Variants in MYO9A observed in about 807,000 individuals in gnomAD.
MYO9A encodes unconventional myosin-IXa.
MYO9A carries 103 observed loss-of-function variants against 293.3 expected under a neutral mutation model. That is an observed-to-expected ratio of 0.35 (90% confidence interval 0.30 to 0.41). The LOEUF (loss-of-function observed/expected upper bound fraction) is 0.41, where lower values mean the gene tolerates loss of function less well. MYO9A is among the 10% of genes least tolerant of loss of function. MYO9A has a pLI of 1.00. For missense variants in MYO9A, 2,685 were observed against 3,033.0 expected, an observed-to-expected ratio of 0.89 and a Z score of 2.69; for synonymous variants, 1,001 against 1,035.7, an observed-to-expected ratio of 0.97 and a Z score of 0.64.
At chr15:71,829,950 G>A (rs568575165) in intron 40 of MYO9A, among the ~76,000 whole-genome samples, 159 bp downstream of exon 40, 7 of 152,284 alleles carry the variant, frequency 4.6e-5, no homozygotes, top group Non-Finnish European at 8.8e-5. Context: ...TGTTACCTGA[G>A]TATAGACAAC....
intron 1 of MYO9A, among the ~76,000 whole-genome samples, chr15:72,101,927 G>A (rs1433881785): frequency 6.6e-6 from 1 of 152,066 alleles, no homozygotes; most frequent in Admixed American, 6.5e-5. Context: ...GCCTCTGCCC[G>A]GCCGCCCCTA....
In MYO9A at chr15:71,971,603, G is replaced by GA. The variant is rs10709554; in HGVS notation, c.1845-3479dup. 7.0e-4 allele frequency among the ~76,000 whole-genome samples: 99 copies of GA among 141,618 alleles called. 3 individuals carry two copies. The highest frequency in any genetic ancestry group is 6.7e-4 in the South Asian group (3 of 4,504). 92.9% of individuals were successfully genotyped at this position (141,618 alleles called of 152,430 possible). Reference sequence around the variant, plus strand: ...TGTCTCAAAAAAAAAGAAAAAAAAAGAAAAAAAAAAAACAAAGTAATTCTA... The same window carrying GA: ...TGTCTCAAAAAAAAAGAAAAAAAAAGAAAAAAAAAAAAACAAAGTAATTCTA... On this transcript the variant is annotated intron_variant, in intron 12 of 41. Coordinates refer to ENST00000356056, the MANE Select transcript of MYO9A (RefSeq NM_006901.4).
Position 71,968,066 on chromosome 15 carries a change from T to C in MYO9A, c.1904A>G (p.Asn635Ser). 1 of 1,612,766 alleles carries C rather than the reference T, an allele frequency of 6.2e-7. No individual in the cohort carries two copies. Among genetic ancestry groups the C allele is most frequent in the South Asian group, 1.1e-5 (1 of 90,922 alleles). Residue 635 changes from asparagine (N) to serine (S), a missense_variant, in exon 13 of 42, where the codon AAT becomes AGT. By Grantham distance (46) the Asn-to-Ser change is conservative. Transcript: ENST00000356056. ...CACGGCTGGAAATTCGATGTAAGAA[T>C]TATCTTCATGTTGATGCTTAAACTT... is the stretch of plus-strand genomic sequence containing the variant. ...LDKFKHQHEDNSYIEFPAVME... is the reference protein window; with the variant it reads ...LDKFKHQHEDSSYIEFPAVME...
intron 19 of MYO9A, among the ~76,000 whole-genome samples, chr15:71,909,968 C>T (rs12913042): frequency 0.2 from 30,272 of 150,798 alleles, 3,288 homozygotes; most frequent in East Asian, 0.41. Flanking sequence ...TATGAGACTC[C>T]GTCTCAAAAT....
chr15:72,101,488 C>A (rs1430589415), intron 1 of MYO9A, among the ~76,000 whole-genome samples: 1 of 122,546 alleles, frequency 8.2e-6, no homozygotes, highest in Admixed American at 7.6e-5. Flanking sequence ...CCCCGCCCGG[C>A]CAGCCGCCCC....
chr15:72,076,294 G>C (rs1051250316), intron 1 of MYO9A, among the ~76,000 whole-genome samples: 1 of 140,890 alleles, frequency 7.1e-6, no homozygotes, highest in African/African-American at 2.7e-5. Context: ...GACAGAGTGA[G>C]ACTCTGTCTC....
chr15:71,892,597 G>A (rs561675732), intron 26 of MYO9A: 6 of 161,382 alleles, frequency 3.7e-5, no homozygotes, highest in African/African-American at 1.4e-4. Context: ...TACAGTGGGT[G>A]AGTTAAGTAG....
chr15:72,030,938 G>C (rs527445023), intron 3 of MYO9A, among the ~76,000 whole-genome samples: 2 of 152,168 alleles, frequency 1.3e-5, no homozygotes, highest in African/African-American at 2.4e-5. Flanking sequence ...GTTAGGAACC[G>C]GGCTACGCAG....
intron 1 of MYO9A, among the ~76,000 whole-genome samples, chr15:72,095,341 T>C (rs892922445): frequency 2.2e-5 from 2 of 92,748 alleles, no homozygotes; most frequent in African/African-American, 5.1e-5. Flanking sequence ...GCCACAACAT[T>C]CCCTTATGCC....
chr15:71,835,183 G>A (rs2054889933), intron 39 of MYO9A, among the ~76,000 whole-genome samples: 1 of 152,158 alleles, frequency 6.6e-6, no homozygotes, highest in South Asian at 2.1e-4. Context: ...AAATTCTATA[G>A]CAAACATCAC....
intron 1 of MYO9A, among the ~76,000 whole-genome samples, chr15:72,054,745 T>C (rs1446658894): frequency 1.4e-5 from 2 of 147,440 alleles, no homozygotes; most frequent in Non-Finnish European, 3.0e-5. Context: ...TTAGGGGGCT[T>C]GGGAACACAA....
intron 1 of MYO9A, among the ~76,000 whole-genome samples, chr15:72,101,579 C>T (rs1396192411): frequency 2.2e-5 from 3 of 135,024 alleles, no homozygotes; most frequent in Non-Finnish European, 3.3e-5. Context: ...TCTGCCCGGC[C>T]GCCCCTACTG....
chr15:71,847,279 C>T, intron 39 of MYO9A: 1 of 308,452 alleles, frequency 3.2e-6, no homozygotes, highest in Non-Finnish European at 7.2e-6. Flanking sequence ...GAAAGGTAAT[C>T]AAAAAGTAGA....
At chr15:71,960,991 C>T (rs868019473) in intron 13 of MYO9A, among the ~76,000 whole-genome samples, 7 of 152,174 alleles carry the variant, frequency 4.6e-5, no homozygotes, top group African/African-American at 1.7e-4. Context: ...GCTATTTAGA[C>T]TCTGAACTTC....
At chr15:72,054,908 A>AT in intron 1 of MYO9A, among the ~76,000 whole-genome samples, 1 of 152,114 alleles carries the variant, frequency 6.6e-6, no homozygotes, top group African/African-American at 2.4e-5. Context: ...GGAAAAAAAA[A>AT]GGACACTTTT....
Position 71,880,260 on chromosome 15 carries a change from A to T in MYO9A, c.5622+75T>A, listed in dbSNP as rs1185219869. On this transcript the variant is annotated intron_variant, in intron 29 of 41. Coordinates refer to ENST00000356056, the MANE Select transcript of MYO9A (RefSeq NM_006901.4). Reference sequence around the variant, plus strand: ...AAGCATATGTAATTTTGATATCTAGAGAGTATATCCTGATATACACAAGTA... The same window carrying T: ...AAGCATATGTAATTTTGATATCTAGTGAGTATATCCTGATATACACAAGTA... The T allele has an allele frequency of 3.3e-5, 40 of 1,223,776 alleles. 1 individual carries two copies. The highest frequency in any genetic ancestry group is 4.5e-5 in the African/African-American group (3 of 66,538). 75.8% of individuals were successfully genotyped at this position (1,223,776 alleles called of 1,614,324 possible).
chr15:72,047,705 T>TCA lies in MYO9A; in HGVS notation c.-71-1073_-71-1072dup, dbSNP rs1241770887. Among the ~76,000 whole-genome samples the TCA allele has an allele frequency of 4.0e-5, 6 of 151,814 alleles. No homozygotes were observed. In the East Asian group the frequency reaches 7.7e-4, roughly 20 times the overall value. On this transcript the variant is annotated intron_variant, in intron 1 of 41. Transcript: ENST00000356056. ...GTCATCAATATTTACCTTATTTATTTCATCCTTTAACATATAAGGATGATG... is the reference window on the plus strand; with the variant it reads ...GTCATCAATATTTACCTTATTTATTTCACATCCTTTAACATATAAGGATGATG...
intron 18 of MYO9A, among the ~76,000 whole-genome samples, chr15:71,925,948 T>C (rs2145367531): frequency 6.6e-6 from 1 of 152,320 alleles, no homozygotes; most frequent in East Asian, 1.9e-4. Flanking sequence ...TATCTTACCA[T>C]ATTTCTTGTG....
intron 4 of MYO9A, among the ~76,000 whole-genome samples, chr15:72,026,077 T>C (rs1250991322): frequency 6.6e-6 from 1 of 151,570 alleles, no homozygotes; most frequent in Non-Finnish European, 1.5e-5. Flanking sequence ...ATCGAGACCA[T>C]CCTGGATAAC....
Sources: gnomAD v4.1 joint callset for allele counts (sites outside exome capture counted in the v4.1 genomes callset) on GRCh38, gnomAD v4.1.1 for gene constraint, MANE v1.5 for transcripts, NCBI Gene and HGNC (gene_info 2026-07-23, HGNC 2026-07-21) for gene names.